Variants in DPP4 observed in about 807,000 individuals in gnomAD.
The protein encoded by DPP4 is dipeptidyl peptidase 4.
A neutral mutation model predicts 122.4 loss-of-function variants in DPP4; 93 were observed. The ratio of observed to expected loss-of-function variants is 0.76; its 90% confidence interval spans 0.64 to 0.90. The LOEUF (loss-of-function observed/expected upper bound fraction) is 0.90. Ranked by LOEUF, DPP4 falls within the 40% of genes least tolerant of loss-of-function variation. The pLI is 0.00. For synonymous variants in DPP4, 321 were observed against 302.9 expected, an observed-to-expected ratio of 1.06 and a Z score of -0.62; for missense variants, 914 against 907.3, an observed-to-expected ratio of 1.01 and a Z score of -0.09.
intron 10 of DPP4, among the ~76,000 whole-genome samples, chr2:162,028,066 A>T (rs890345723): frequency 6.6e-6 from 1 of 151,530 alleles, no homozygotes; most frequent in African/African-American, 2.4e-5. Context: ...TTAAAAAAAA[A>T]AAAAACAAAA....
At chr2:162,073,020 T>C (rs937919373) in intron 2 of DPP4, among the ~76,000 whole-genome samples, 6 of 152,158 alleles carry the variant, frequency 3.9e-5, no homozygotes, top group Admixed American at 1.3e-4. Flanking sequence ...CTTTGGGCTC[T>C]TTAAACACTG....
At chr2:162,028,748 C>T (rs1399946560) in intron 10 of DPP4, among the ~76,000 whole-genome samples, 1 of 152,184 alleles carries the variant, frequency 6.6e-6, no homozygotes, top group South Asian at 2.1e-4. Context: ...CTACTATGTG[C>T]CAGGAACTAT....
intron 9 of DPP4, among the ~76,000 whole-genome samples, chr2:162,034,420 T>C (rs1683691055): frequency 6.6e-6 from 1 of 152,134 alleles, no homozygotes; most frequent in South Asian, 2.1e-4. Context: ...CTTCCTAAAA[T>C]GGCAGCTCTT....
At chr2:162,022,222 G>A (rs1466368532) in intron 12 of DPP4, among the ~76,000 whole-genome samples, 1 of 152,162 alleles carries the variant, frequency 6.6e-6, no homozygotes, top group Non-Finnish European at 1.5e-5. Context: ...GTCCCTGAGG[G>A]TCACCACACT....
chr2:162,020,564 T>G lies in DPP4; in HGVS notation c.1176+17A>C, dbSNP rs1441304280. The G allele has an allele frequency of 6.4e-7, 1 of 1,552,362 alleles. No individual in the cohort carries two copies. The highest frequency in any genetic ancestry group is 8.7e-7 in the Non-Finnish European group (1 of 1,146,800). ...AAAAAGAGGTCAACATGAAATAAAA[T>G]ATGTAAGAATACTCACTTTTTTATC... On this transcript the variant is annotated intron_variant, in intron 13 of 25. Transcript: ENST00000360534.
intron 2 of DPP4, among the ~76,000 whole-genome samples, chr2:162,051,700 G>GA (rs1275760948): frequency 6.6e-6 from 1 of 152,172 alleles, no homozygotes; most frequent in African/African-American, 2.4e-5. Flanking sequence ...GGTGGTGGAG[G>GA]AAAAATCAAG....
chr2:162,000,368 T>G (rs1290632584), intron 23 of DPP4, among the ~76,000 whole-genome samples: 1 of 152,168 alleles, frequency 6.6e-6, no homozygotes, highest in African/African-American at 2.4e-5. Flanking sequence ...ACCCATGGGA[T>G]GCCAAGGAGA....
intron 10 of DPP4, chr2:162,032,400 G>C (rs1033197267): frequency 3.3e-5 from 5 of 152,390 alleles, no homozygotes; most frequent in African/African-American, 9.6e-5. Context: ...TTTAAAAACA[G>C]CAACAGGCCG....
intron 2 of DPP4, among the ~76,000 whole-genome samples, chr2:162,058,782 T>A (rs931392227): frequency 6.6e-6 from 1 of 152,142 alleles, no homozygotes; most frequent in Admixed American, 6.5e-5. Context: ...AATCTGTGAG[T>A]GAATGGGCAC....
Position 162,005,750 on chromosome 2 carries a change from A to G in DPP4, c.2047T>C (p.Tyr683His). ...TATAGGTCCTCATCTCTTACTCTGT[A>G]ATGGTCAAGGTTGTCTTCTGGAGTT... Reference protein sequence around the residue: ...LPTPEDNLDHYRNSTVMSRAE... With the variant: ...LPTPEDNLDHHRNSTVMSRAE... Residue 683 changes from tyrosine to histidine, a missense_variant, in exon 23 of 26, where the codon TAC becomes CAC. Physicochemically the swap from Tyr to His is moderately conservative, Grantham distance 83 (BLOSUM62 2). Coordinates refer to ENST00000360534, the MANE Select transcript of DPP4 (RefSeq NM_001935.4). 3 of 1,612,762 alleles carry G rather than the reference A, an allele frequency of 1.9e-6. No homozygotes were observed. Among genetic ancestry groups the G allele is most frequent in the Non-Finnish European group, 2.5e-6 (3 of 1,179,286 alleles).
rs561963253 is a variant in DPP4 at position 161,996,089 on chromosome 2, T to C, written c.2053-717A>G. The stretch of plus-strand genomic sequence containing the variant: ...CCAAGAAATAGGATAAAAAAAAAAA[T>C]TGGGAAGTCAGCTTTTTGAGACTGC... On this transcript the variant is annotated intron_variant, in intron 23 of 25. Transcript: ENST00000360534. Among the ~76,000 whole-genome samples, 76 of 152,004 alleles carry C rather than the reference T, an allele frequency of 5.0e-4. 2 individuals are homozygous for C. In the South Asian group the frequency reaches 0.013, roughly 27 times the overall value.
At chr2:162,048,127 A>C (rs1684254842) in intron 2 of DPP4, among the ~76,000 whole-genome samples, 1 of 152,078 alleles carries the variant, frequency 6.6e-6, no homozygotes, top group Non-Finnish European at 1.5e-5. Context: ...CTTCTCAGAG[A>C]CCCTTAGGAC....
At chr2:162,056,500 C>T (rs567357580) in intron 2 of DPP4, among the ~76,000 whole-genome samples, 102 of 152,294 alleles carry the variant, frequency 6.7e-4, no homozygotes, top group Admixed American at 2.0e-3. Flanking sequence ...GCCTCTGAAA[C>T]GGCCTTTGCA....
At chr2:162,032,984 C>T (rs566182750) in intron 10 of DPP4, among the ~76,000 whole-genome samples, 17 of 152,218 alleles carry the variant, frequency 1.1e-4, no homozygotes, top group Non-Finnish European at 2.4e-4. Context: ...GACCTTGTCC[C>T]TTCCACTCTC....
At chr2:162,005,065 A>C (rs77770606) in intron 23 of DPP4, among the ~76,000 whole-genome samples, 3 of 152,164 alleles carry the variant, frequency 2.0e-5, no homozygotes, top group Non-Finnish European at 2.9e-5. Flanking sequence ...AGCTGCATCA[A>C]TGTGGCACCA....
intron 5 of DPP4, among the ~76,000 whole-genome samples, chr2:162,040,756 TTAA>T (rs1465263719): frequency 1.3e-5 from 2 of 152,050 alleles, no homozygotes; most frequent in African/African-American, 2.4e-5. Context: ...TGGACTTAAA[TTAA>T]TAATGATATA....
chr2:162,049,511 C>G (rs1684310083), intron 2 of DPP4, among the ~76,000 whole-genome samples: 1 of 152,060 alleles, frequency 6.6e-6, no homozygotes. Context: ...GAGAGAGCAT[C>G]AGGAAGAATA....
chr2:162,005,267 C>A (rs969087557), intron 23 of DPP4, among the ~76,000 whole-genome samples: 3 of 152,102 alleles, frequency 2.0e-5, no homozygotes, highest in Non-Finnish European at 4.4e-5. Flanking sequence ...AAGGGTACTG[C>A]CCAACTGTAC....
In DPP4 at chr2:162,035,268, C is replaced by T; in HGVS notation, c.670G>A (p.Ala224Thr). 1 of 1,613,944 alleles carries T rather than the reference C, an allele frequency of 6.2e-7. No individual in the cohort carries two copies. Among genetic ancestry groups the T allele is most frequent in the East Asian group, 2.2e-5 (1 of 44,856 alleles). The stretch of plus-strand genomic sequence containing the variant: ...TCTGTGTCGTTAAATTGGGCATATG[C>T]TAAAAAAGTGCCGTTTGGAGACCAC... ...LWWSPNGTFL[A>T]YAQFNDTEVP... is the part of the protein sequence containing the mutation. The change falls in exon 9 of 26, where the codon GCA becomes ACA. Residue 224 changes from alanine (A) to threonine (T), a missense_variant. Ala to Thr is a moderately conservative substitution (Grantham distance 58). Coordinates refer to ENST00000360534, the MANE Select transcript of DPP4 (RefSeq NM_001935.4).
Sources: allele counts gnomAD v4.1 joint callset (sites outside exome capture counted in the v4.1 genomes callset), GRCh38; gene constraint gnomAD v4.1.1; transcripts MANE v1.5; gene names NCBI Gene and HGNC (gene_info 2026-07-23, HGNC 2026-07-21).